Variants in PCDHGB5 observed in about 807,000 individuals in gnomAD.
PCDHGB5 encodes protocadherin gamma-B5.
PCDHGB5 carries 48 observed loss-of-function variants against 62.9 expected under a neutral mutation model. That is an observed-to-expected ratio of 0.76 (90% CI 0.61 to 0.97). PCDHGB5 has a LOEUF of 0.97. Among genes scored for constraint, PCDHGB5 ranks in the 50% least tolerant of loss-of-function variants. The probability of loss-of-function intolerance (pLI) is 0.00; values close to 1 mark genes in which losing one functional copy is unlikely to be tolerated. For synonymous variants in PCDHGB5, 474 were observed against 511.2 expected, an observed-to-expected ratio of 0.93 and a Z score of 0.98; for missense variants, 1,118 against 1,198.6, an observed-to-expected ratio of 0.93 and a Z score of 0.99.
In PCDHGB5 at chr5:141,431,775, A is replaced by T; in HGVS notation, c.2397+31251A>T. 6.2e-7 allele frequency: 1 copy of T among 1,614,204 alleles called. No homozygotes were observed. Among genetic ancestry groups the T allele is most frequent in the Non-Finnish European group, 8.5e-7 (1 of 1,180,024 alleles). ...GCCAAAGTCCTGATCACTGTTCTGG[A>T]CGTGAACGACAATGCCCCAGAAGTG... On this transcript the variant is annotated intron_variant, in intron 1 of 3. Transcript: ENST00000617380. This position sits in a 1 kb window ranked among gnomAD's most constrained non-coding sequence, Gnocchi z 4.8.
At chr5:141,478,165 C>G (rs780594020) in intron 1 of PCDHGB5, 13 of 1,613,920 alleles carry the variant, frequency 8.1e-6, no homozygotes, top group African/African-American at 1.3e-5. Flanking sequence ...GCTCTGCCCC[C>G]CGGGAGCAGA....
chr5:141,418,767 C>T (rs770275597), intron 1 of PCDHGB5: 1 of 1,613,850 alleles, frequency 6.2e-7, no homozygotes, highest in Non-Finnish European at 8.5e-7. Flanking sequence ...AACATTCTAA[C>T]TCAGCAGCCT....
chr5:141,473,763 GGATTTGGT>G (rs1358359618), intron 1 of PCDHGB5, among the ~76,000 whole-genome samples: 73 of 152,322 alleles, frequency 4.8e-4, no homozygotes, highest in African/African-American at 1.7e-3. Context: ...ACTATGCAAA[GGATTTGGT>G]ATTTTAATTC....
At chr5:141,402,398 ATTG>A (rs1159125909) in intron 1 of PCDHGB5, among the ~76,000 whole-genome samples, 19 of 152,216 alleles carry the variant, frequency 1.2e-4, no homozygotes, top group African/African-American at 4.6e-4. Context: ...ACTTCAGAAA[ATTG>A]TTAAGATACA....
intron 1 of PCDHGB5, chr5:141,414,590 G>C (rs1287207695): frequency 1.2e-6 from 2 of 1,613,936 alleles, no homozygotes; most frequent in South Asian, 1.1e-5. Flanking sequence ...AACGCCAGGG[G>C]TGCCTCCATC....
chr5:141,506,994 G>A (rs1053891468), intron 3 of PCDHGB5: 1 of 152,126 alleles, frequency 6.6e-6, no homozygotes, highest in Non-Finnish European at 1.5e-5. Context: ...TCTCACACTC[G>A]ACAGATGAGA....
Position 141,431,920 on chromosome 5 carries a change from A to C in PCDHGB5, c.2397+31396A>C. On this transcript the variant is annotated intron_variant, in intron 1 of 3. Transcript: ENST00000617380. The surrounding 1 kb of genome is among the most constrained non-coding windows in gnomAD (Gnocchi z 4.8). ...ACGGACAGGTGATCTGTTTCATCCA[A>C]GGAAATCTGCCCTTTAAATTAGAAA... 1 of 1,614,164 alleles carries C rather than the reference A, an allele frequency of 6.2e-7. No individual in the cohort carries two copies. Among genetic ancestry groups the C allele is most frequent in the Non-Finnish European group, 8.5e-7 (1 of 1,179,976 alleles).
At chr5:141,407,964 C>G in intron 1 of PCDHGB5, 1 of 683,628 alleles carries the variant, frequency 1.5e-6, no homozygotes, top group Non-Finnish European at 2.3e-6. Context: ...GCAGAGCAAG[C>G]GCTGACGCCG....
intron 3 of PCDHGB5, among the ~76,000 whole-genome samples, chr5:141,510,203 G>A (rs1164886289): frequency 6.6e-6 from 1 of 151,680 alleles, no homozygotes; most frequent in Non-Finnish European, 1.5e-5. Flanking sequence ...AGCCCAGGAG[G>A]CAGAGGTTGC....
intron 1 of PCDHGB5, chr5:141,413,356 C>T: frequency 6.2e-7 from 1 of 1,613,962 alleles, no homozygotes; most frequent in South Asian, 1.1e-5. Context: ...TCTGGCGCCC[C>T]GGGAGCTGGC....
Position 141,449,720 on chromosome 5 carries a change from T to C in PCDHGB5, c.2398-45087T>C, listed in dbSNP as rs373093679. 2.4e-4 allele frequency among the ~76,000 whole-genome samples: 36 copies of C among 151,876 alleles called. No individual in the cohort carries two copies. In the East Asian group the frequency reaches 3.1e-3, roughly 13 times the overall value. ...ACACAAACACATTATTTTTATATGA[T>C]ATGATTTTTTTATGACATGATTATT... On this transcript the variant is annotated intron_variant, in intron 1 of 3. Coordinates refer to ENST00000617380, the MANE Select transcript of PCDHGB5 (RefSeq NM_018925.3).
chr5:141,400,081 G>A lies in PCDHGB5; in HGVS notation c.1954G>A (p.Ala652Thr), dbSNP rs763547099. 3.7e-6 allele frequency: 6 copies of A among 1,613,902 alleles called. No homozygotes were observed. The highest frequency in any genetic ancestry group is 3.3e-5 in the Admixed American group (2 of 60,010). The change falls in exon 1 of 4, where the codon GCC becomes ACC. Residue 652 changes from alanine (A) to threonine (T), a missense_variant. Ala to Thr is a moderately conservative substitution (Grantham distance 58). Around this residue, in one of 2 missense-constraint regions of PCDHGB5, gnomAD observed 1,034 missense variants for 1,029.1 expected, o/e 1.00. Transcript: ENST00000617380. Reference protein sequence around the residue: ...VRDGGQPPLSATATLHLVFAD... With the variant: ...VRDGGQPPLSTTATLHLVFAD... ...TGATGGTGGACAGCCGCCACTCTCC[G>A]CCACCGCCACGCTGCACTTGGTCTT...
intron 1 of PCDHGB5, chr5:141,420,146 C>G (rs372634787): frequency 1.9e-6 from 3 of 1,613,962 alleles, no homozygotes; most frequent in Non-Finnish European, 2.5e-6. Flanking sequence ...TCAAATGAAT[C>G]CAGAATTTAA....
At chr5:141,447,313 T>C (rs2098534296) in intron 1 of PCDHGB5, among the ~76,000 whole-genome samples, 1 of 152,146 alleles carries the variant, frequency 6.6e-6, no homozygotes, top group African/African-American at 2.4e-5. Context: ...CTAATTTTTG[T>C]ATTTTTAGTA....
intron 1 of PCDHGB5, chr5:141,410,014 G>C (rs1185262301): frequency 1.2e-6 from 2 of 1,613,296 alleles, no homozygotes. Context: ...ACGCCTGGCT[G>C]TCCTACCACG....
At chr5:141,408,780 A>G (rs1304526612) in intron 1 of PCDHGB5, 1 of 1,612,372 alleles carries the variant, frequency 6.2e-7, no homozygotes, top group Non-Finnish European at 8.5e-7. Flanking sequence ...AAATACCCAG[A>G]GTTATCTCTG....
At chr5:141,436,294 G>A (rs1205368824) in intron 1 of PCDHGB5, among the ~76,000 whole-genome samples, 1 of 152,142 alleles carries the variant, frequency 6.6e-6, no homozygotes, top group Non-Finnish European at 1.5e-5. Context: ...AAATCATTGA[G>A]AGTTAGAGCA....
intron 1 of PCDHGB5, among the ~76,000 whole-genome samples, chr5:141,473,871 T>A (rs2099330260): frequency 1.3e-5 from 2 of 152,190 alleles, no homozygotes; most frequent in Admixed American, 6.5e-5. Context: ...TTGTGGAGAA[T>A]GCATACACAA....
In PCDHGB5 at chr5:141,491,797, G is replaced by T. The variant is rs537755017; in HGVS notation, c.2398-3010G>T. The stretch of plus-strand genomic sequence containing the variant: ...ATTGAACTTGCATCCACTCCTCTCC[G>T]GCCGGCTTGGTCGCTGGCTGCGCTC... On this transcript the variant is annotated intron_variant, in intron 1 of 3. Coordinates refer to ENST00000617380, the MANE Select transcript of PCDHGB5 (RefSeq NM_018925.3). The surrounding 1 kb of genome is among the most constrained non-coding windows in gnomAD (Gnocchi z 6.9). 2.0e-6 allele frequency: 3 copies of T among 1,506,818 alleles called. No homozygotes were observed. The highest frequency in any genetic ancestry group is 2.4e-5 in the Admixed American group (1 of 41,734). 93.3% of individuals were successfully genotyped at this position (1,506,818 alleles called of 1,614,324 possible). A position where few individuals can be genotyped will look rare whatever the true frequency, so the allele number is the denominator to read the frequency against.
Sources: allele counts gnomAD v4.1 joint callset (sites outside exome capture counted in the v4.1 genomes callset), GRCh38; gene constraint gnomAD v4.1.1; regional missense constraint gnomAD v4.1.1; non-coding constraint Gnocchi (gnomAD v3.1); transcripts MANE v1.5; gene names NCBI Gene and HGNC (gene_info 2026-07-23, HGNC 2026-07-21).